Variants in FKTN observed in about 807,000 individuals in gnomAD.
FKTN encodes the protein fukutin.
FKTN carries 47 observed loss-of-function variants against 58.6 expected under a neutral mutation model. That is an observed-to-expected ratio of 0.80 (90% CI 0.63 to 1.02). The LOEUF is 1.02. Among genes scored for constraint, FKTN ranks in the 50% least tolerant of loss-of-function variants. The pLI is 0.00. For missense variants in FKTN, 516 were observed against 537.3 expected (o/e 0.96, Z 0.39); for synonymous variants, 178 against 191.9 (o/e 0.93, Z 0.60).
At chr9:105,573,334 C>T (rs1213233270) in intron 1 of FKTN, among the ~76,000 whole-genome samples, 3 of 151,694 alleles carry the variant, frequency 2.0e-5, no homozygotes, top group Non-Finnish European at 4.4e-5. Context: ...GAAAAGACAT[C>T]TTTAGGTCAG....
chr9:105,562,399 G>A lies in FKTN; in HGVS notation c.-181+4234G>A, dbSNP rs115614107. ...AGTCCACCTCTGGGTGGGGAGCCAC[G>A]TGACTGGTTGGGTCATGAGTCACTA... On this transcript the variant is annotated intron_variant, in intron 1 of 10. Transcript: ENST00000357998. Among the ~76,000 whole-genome samples the A allele has an allele frequency of 9.0e-3, 1,377 of 152,340 alleles. 22 individuals carry two copies. Among genetic ancestry groups the A allele is most frequent in the African/African-American group, 0.032 (1,318 of 41,568 alleles).
At chr9:105,621,906 C>T (rs191797775) in intron 10 of FKTN, among the ~76,000 whole-genome samples, 20 of 152,164 alleles carry the variant, frequency 1.3e-4, no homozygotes, top group Admixed American at 3.9e-4. Context: ...TTTATGCACA[C>T]GTGTGAAACC....
At chr9:105,561,272 T>G (rs1156495464) in intron 1 of FKTN, among the ~76,000 whole-genome samples, 1 of 152,078 alleles carries the variant, frequency 6.6e-6, no homozygotes, top group Non-Finnish European at 1.5e-5. Context: ...AGACTCCATT[T>G]CTTAAAAAAA....
chr9:105,590,954 GA>G (rs1844761347), intron 3 of FKTN, among the ~76,000 whole-genome samples: 1 of 152,070 alleles, frequency 6.6e-6, no homozygotes, highest in Non-Finnish European at 1.5e-5. Context: ...AGAGCAGGAG[GA>G]AAAGAGAGAG....
chr9:105,582,042 A>T (rs1376260356), intron 3 of FKTN, among the ~76,000 whole-genome samples: 1 of 151,870 alleles, frequency 6.6e-6, no homozygotes, highest in South Asian at 2.1e-4. Flanking sequence ...CGGTGCGCGC[A>T]CCCACTAGCC....
chr9:105,621,650 A>G (rs975461089), intron 10 of FKTN, among the ~76,000 whole-genome samples: 1 of 151,882 alleles, frequency 6.6e-6, no homozygotes, highest in Admixed American at 6.6e-5. Flanking sequence ...ATTTACGTTC[A>G]TCTCTCCCCC....
chr9:105,580,496 C>G, intron 3 of FKTN, among the ~76,000 whole-genome samples: 1 of 123,958 alleles, frequency 8.1e-6, no homozygotes, highest in Non-Finnish European at 1.7e-5. Flanking sequence ...ATATTGGCCC[C>G]CACTCTCTTC....
chr9:105,630,137 A>C (rs916766971), intron 10 of FKTN, among the ~76,000 whole-genome samples: 2 of 152,150 alleles, frequency 1.3e-5, no homozygotes, highest in Non-Finnish European at 2.9e-5. Context: ...CCAACATGGC[A>C]CATGTATACA....
intron 1 of FKTN, among the ~76,000 whole-genome samples, chr9:105,572,447 A>C (rs940213903): frequency 6.6e-6 from 1 of 152,202 alleles, no homozygotes; most frequent in Non-Finnish European, 1.5e-5. Context: ...CTGTAACTCC[A>C]AACTGAAATA....
rs143993607 is a variant in FKTN, at chr9:105,574,672, TGGA to T, written c.-88-268_-88-266del. 8.7e-3 allele frequency among the ~76,000 whole-genome samples: 1,329 copies of T among 152,246 alleles called. 17 individuals are homozygous for T. The highest frequency in any genetic ancestry group is 0.03 in the African/African-American group (1,261 of 41,544). On this transcript the variant is annotated intron_variant, in intron 2 of 10. Coordinates refer to ENST00000357998, the MANE Select transcript of FKTN (RefSeq NM_001079802.2). ...ATACCGGATTTACTGAATCAGAAAC[TGGA>T]GGAGAAAAGCACCTCTCAACCTTGT...
chr9:105,572,338 G>A (rs563287936), intron 1 of FKTN, among the ~76,000 whole-genome samples: 66 of 152,152 alleles, frequency 4.3e-4, no homozygotes, highest in Admixed American at 2.4e-3. Flanking sequence ...TTTTAAGATG[G>A]TAAAGACATT....
chr9:105,625,181 T>C (rs1325891538), intron 10 of FKTN, among the ~76,000 whole-genome samples: 1 of 152,190 alleles, frequency 6.6e-6, no homozygotes, highest in African/African-American at 2.4e-5. Flanking sequence ...TATAAACTTG[T>C]ATTACATATA....
At chr9:105,607,093 G>C (rs2768294) in intron 6 of FKTN, among the ~76,000 whole-genome samples, 103,279 of 151,792 alleles carry the variant, frequency 0.68, 35,534 homozygotes, top group Admixed American at 0.77. Context: ...TCAAAATTGT[G>C]AGTTACTTAT....
At chr9:105,620,396 A>AT in intron 10 of FKTN, among the ~76,000 whole-genome samples, 1 of 152,204 alleles carries the variant, frequency 6.6e-6, no homozygotes, top group East Asian at 1.9e-4. Context: ...CTCCACCCTA[A>AT]TTTGTGGCCT....
chr9:105,612,948 G>GA lies in FKTN; in HGVS notation c.781-2329dup, dbSNP rs1830190988. Among the ~76,000 whole-genome samples, 3 of 152,106 alleles carry GA rather than the reference G, an allele frequency of 2.0e-5. No homozygotes were observed. In the South Asian group the frequency reaches 6.2e-4, roughly 32 times the overall value. ...CCCCTAAATTCCAGCCTGGGCAACA[G>GA]AGAGAGGAGACTTTGTCTCCAAAAA... On this transcript the variant is annotated intron_variant, in intron 7 of 10. Transcript: ENST00000357998.
chr9:105,596,546 G>A, intron 3 of FKTN, 52 bp from the exon 4 acceptor site: 1 of 1,134,094 alleles, frequency 8.8e-7, no homozygotes, highest in Admixed American at 1.7e-5. Context: ...GAAATGTAAT[G>A]TTGCATGCTG....
intron 1 of FKTN, among the ~76,000 whole-genome samples, chr9:105,569,638 G>T (rs1370887321): frequency 6.6e-6 from 1 of 152,140 alleles, no homozygotes; most frequent in Non-Finnish European, 1.5e-5. Flanking sequence ...TTCATTGCCA[G>T]ATCTCAGTTC....
At position 105,601,271 on chromosome 9, in the gene FKTN, A is replaced by G. The variant is rs758798692; in HGVS notation, c.292A>G (p.Thr98Ala). 14 of 1,612,688 alleles carry G rather than the reference A, an allele frequency of 8.7e-6. No individual in the cohort carries two copies. Among genetic ancestry groups the G allele is most frequent in the Admixed American group, 6.7e-5 (4 of 59,996 alleles). The change falls in exon 5 of 11, where the codon ACT (threonine) becomes GCT (alanine). Residue 98 changes from threonine (T) to alanine (A), a missense_variant. By Grantham distance (58) the Thr-to-Ala change is moderately conservative (BLOSUM62 0). Coordinates refer to ENST00000357998, the MANE Select transcript of FKTN (RefSeq NM_001079802.2). ...EQVKNTSHGS[T>A]SQCKFFCVPR... is the part of the protein sequence containing the mutation. ...AGTCAAAAATACTTCTCATGGCTCTACTTCACAATGCAAGTTTTTCTGTGT... is the reference window on the plus strand; with the variant it reads ...AGTCAAAAATACTTCTCATGGCTCTGCTTCACAATGCAAGTTTTTCTGTGT...
intron 10 of FKTN, among the ~76,000 whole-genome samples, chr9:105,625,542 A>T (rs889219505): frequency 1.3e-5 from 2 of 152,110 alleles, no homozygotes; most frequent in Non-Finnish European, 2.9e-5. Context: ...TAGGCATGGA[A>T]AGCTGGTATA....
Sources: allele counts gnomAD v4.1 joint callset (sites outside exome capture counted in the v4.1 genomes callset), GRCh38; gene constraint gnomAD v4.1.1; transcripts MANE v1.5; gene names NCBI Gene and HGNC (gene_info 2026-07-23, HGNC 2026-07-21).